EXT2: variants seen among roughly 807,000 people sequenced by gnomAD.
EXT2 encodes exostosin glycosyltransferase 2.
A neutral mutation model predicts 81.6 loss-of-function variants in EXT2; 53 were observed. The observed-to-expected ratio is 0.65, with a 90% confidence interval of 0.52 to 0.82. The LOEUF (loss-of-function observed/expected upper bound fraction) is 0.82. EXT2 is among the 40% of genes least tolerant of loss of function. The pLI is 0.00. For missense variants in EXT2, 774 were observed against 910.2 expected, an observed-to-expected ratio of 0.85 and a Z score of 1.93; for synonymous variants, 320 against 340.0, an observed-to-expected ratio of 0.94 and a Z score of 0.65.
At chr11:44,150,451 T>C (rs780831452) in intron 7 of EXT2, among the ~76,000 whole-genome samples, 4 of 152,102 alleles carry the variant, frequency 2.6e-5, no homozygotes, top group Non-Finnish European at 5.9e-5. Context: ...AAAAAGAAAA[T>C]TGAGATTAAA....
At chr11:44,130,911 C>T (rs759336581) in intron 7 of EXT2, among the ~76,000 whole-genome samples, 6 of 152,242 alleles carry the variant, frequency 3.9e-5, no homozygotes, top group African/African-American at 9.6e-5. Flanking sequence ...GCTGTTAGTT[C>T]GGCACCCTCA....
chr11:44,149,760 G>A (rs139805003), intron 7 of EXT2, among the ~76,000 whole-genome samples: 43 of 152,316 alleles, frequency 2.8e-4, no homozygotes, highest in Non-Finnish European at 2.8e-4. Context: ...GAGATGAAAG[G>A]AAGTAATATG....
At chr11:44,146,649 C>A (rs4755229) in intron 7 of EXT2, among the ~76,000 whole-genome samples, 139,205 of 152,240 alleles carry the variant, frequency 0.91, 63,738 homozygotes, top group East Asian at 0.99. Flanking sequence ...GGTGGGACTT[C>A]TACTCATGGT....
intron 3 of EXT2, among the ~76,000 whole-genome samples, chr11:44,113,756 A>G (rs1357580825): frequency 2.0e-5 from 3 of 152,166 alleles, no homozygotes; most frequent in Admixed American, 1.3e-4. Flanking sequence ...TTCCAGGACC[A>G]TTGTGTTCTG....
intron 7 of EXT2, 138 bp downstream of exon 7, chr11:44,130,276 G>T: frequency 1.4e-6 from 1 of 723,936 alleles, no homozygotes. Flanking sequence ...TGAAACGATA[G>T]GAAATTAATG....
At chr11:44,176,218 G>A (rs1332176411) in intron 8 of EXT2, among the ~76,000 whole-genome samples, 1 of 152,018 alleles carries the variant, frequency 6.6e-6, no homozygotes, top group African/African-American at 2.4e-5. Flanking sequence ...AGCAATAGTG[G>A]GACTTTATCC....
At chr11:44,129,464 A>G (rs1403866655) in intron 6 of EXT2, among the ~76,000 whole-genome samples, 3 of 151,990 alleles carry the variant, frequency 2.0e-5, no homozygotes, top group African/African-American at 4.8e-5. Flanking sequence ...TGCCCACCAT[A>G]CTGCTTCTTC....
chr11:44,130,433 G>T (rs572092427), intron 7 of EXT2, among the ~76,000 whole-genome samples: 1 of 152,300 alleles, frequency 6.6e-6, no homozygotes, highest in Admixed American at 6.5e-5. Flanking sequence ...GGTGATAGTC[G>T]TAGTGACTAA....
At chr11:44,188,797 G>A (rs1955352206) in intron 8 of EXT2, among the ~76,000 whole-genome samples, 1 of 152,122 alleles carries the variant, frequency 6.6e-6, no homozygotes, top group African/African-American at 2.4e-5. Context: ...AAGTAATATA[G>A]AGAACAGAGA....
intron 7 of EXT2, among the ~76,000 whole-genome samples, chr11:44,140,423 CTT>C (rs1199868476): frequency 6.6e-6 from 1 of 152,176 alleles, no homozygotes; most frequent in African/African-American, 2.4e-5. Context: ...ATGCTTGGCC[CTT>C]TTTACCCTCT....
chr11:44,245,956 A>AT lies in EXT2; in HGVS notation c.*1676dup, dbSNP rs1241852139. 2.0e-5 allele frequency among the ~76,000 whole-genome samples: 3 copies of AT among 152,202 alleles called. No homozygotes were observed. The highest frequency in any genetic ancestry group is 4.8e-5 in the African/African-American group (2 of 41,444). ...TTTTGCAAATGCAGAAACTGAAGTG[A>AT]TTTTTTTCAGTTTCTGACAGCAGCA... On this transcript the variant is annotated 3_prime_UTR_variant, in exon 14 of 14. Transcript: ENST00000533608.
At chr11:44,171,516 G>A in intron 7 of EXT2, 95 bp from the exon 8 acceptor site, 1 of 1,591,782 alleles carries the variant, frequency 6.3e-7, no homozygotes, top group South Asian at 1.1e-5. Flanking sequence ...TGGGAATAAA[G>A]GAATTAGCCT....
In EXT2 at chr11:44,247,243, C is replaced by CTT. The variant is rs11421737; in HGVS notation, c.*2975_*2976dup. Among the ~76,000 whole-genome samples, 19,518 of 115,116 alleles carry CTT rather than the reference C, an allele frequency of 0.17. 2,428 individuals are homozygous for CTT. Among genetic ancestry groups the CTT allele is most frequent in the Non-Finnish European group, 0.23 (13,343 of 57,662 alleles). The allele number at this position is 115,116 out of a possible 152,430, so 75.5% of individuals were successfully genotyped here. A position where few individuals can be genotyped will look rare whatever the true frequency, so the allele number is the denominator to read the frequency against. ...CCTGCCAGTGATGCTCTGCTGTATC[C>CTT]TTTTTTTTTTTTTTTTTTTTGAGAC... On this transcript the variant is annotated 3_prime_UTR_variant, in exon 14 of 14. Transcript: ENST00000533608.
At chr11:44,174,025 A>G (rs11037895) in intron 8 of EXT2, among the ~76,000 whole-genome samples, 38,877 of 152,104 alleles carry the variant, frequency 0.26, 5,464 homozygotes, top group Middle Eastern at 0.32. Context: ...CTTTCAAAAG[A>G]CTATATTAAT....
intron 7 of EXT2, among the ~76,000 whole-genome samples, chr11:44,144,718 C>T (rs1038167643): frequency 6.6e-6 from 1 of 152,198 alleles, no homozygotes. Flanking sequence ...TCAGGCTTCC[C>T]CTTTTCCCTT....
At chr11:44,131,314 G>A (rs1427355557) in intron 7 of EXT2, among the ~76,000 whole-genome samples, 1 of 152,200 alleles carries the variant, frequency 6.6e-6, no homozygotes, top group Non-Finnish European at 1.5e-5. Flanking sequence ...GTTAGTGGAT[G>A]TGTTCAGTCC....
intron 4 of EXT2, among the ~76,000 whole-genome samples, chr11:44,119,157 T>TAC (rs1565201239): frequency 0.019 from 732 of 39,518 alleles, 32 homozygotes; most frequent in Non-Finnish European, 0.031. Context: ...TATATATATA[T>TAC]ATATATATAT....
intron 8 of EXT2, among the ~76,000 whole-genome samples, chr11:44,190,202 A>G (rs1955373234): frequency 6.6e-6 from 1 of 152,236 alleles, no homozygotes; most frequent in Non-Finnish European, 1.5e-5. Context: ...CCCTTTGACC[A>G]CTTCTGGATG....
intron 4 of EXT2, among the ~76,000 whole-genome samples, chr11:44,121,733 T>C (rs1954319706): frequency 6.6e-6 from 1 of 151,874 alleles, no homozygotes; most frequent in South Asian, 2.1e-4. Flanking sequence ...ACCATCATTC[T>C]CCCCACAACT....
Sources: gnomAD v4.1 joint callset for allele counts (sites outside exome capture counted in the v4.1 genomes callset) on GRCh38, gnomAD v4.1.1 for gene constraint, MANE v1.5 for transcripts, NCBI Gene and HGNC (gene_info 2026-07-23, HGNC 2026-07-21) for gene names.